The following CIT variants were observed in gnomAD, a reference collection of about 807,000 sequenced individuals.
CIT encodes citron rho-interacting serine/threonine kinase, also known as citron Rho-interacting kinase.
Under a neutral mutation model 272.7 loss-of-function variants are expected in CIT, and 79 were observed. That is an observed-to-expected ratio of 0.29 (90% confidence interval 0.24 to 0.35). The LOEUF (loss-of-function observed/expected upper bound fraction) is 0.35, where lower values mean the gene tolerates loss of function less well. Ranked by LOEUF, CIT falls within the 10% of genes least tolerant of loss-of-function variation. CIT has a pLI of 1.00. For synonymous variants in CIT, 948 were observed against 995.6 expected, an observed-to-expected ratio of 0.95 and a Z score of 0.90; for missense variants, 1,909 against 2,618.3, an observed-to-expected ratio of 0.73 and a Z score of 5.91.
In CIT at chr12:119,799,550, G is replaced by GA. The variant is rs909104631; in HGVS notation, c.1295+3655dup. On this transcript the variant is annotated intron_variant, in intron 10 of 47. Coordinates refer to ENST00000392521, the MANE Select transcript of CIT (RefSeq NM_001206999.2). ...TTTTCAGAACCACCCGAAAAGAAAG[G>GA]AAAAATCTCTGAATCAAAAGGAAGA... 3.4e-4 allele frequency among the ~76,000 whole-genome samples: 52 copies of GA among 152,122 alleles called. 1 individual carries two copies. The highest frequency in any genetic ancestry group is 3.0e-3 in the Admixed American group (46 of 15,282).
rs1411407183 is a variant in CIT at position 119,714,311 on chromosome 12, G to A, written c.4192C>T (p.Arg1398Cys). ...CGGTGAGGAATATTGTGGTGCATGC[G>A]TTCCTTAAGACGCCGACTAAATTCT... Reference protein sequence around the residue: ...PEEFSRRLKERMHHNIPHRFN... With the variant: ...PEEFSRRLKECMHHNIPHRFN... The change falls in exon 33 of 48, where the codon CGC (arginine) becomes TGC (cysteine). Residue 1398 changes from arginine to cysteine, a missense_variant. This residue lies in a region of CIT where 780 missense variants were observed against 1,067.2 expected (regional missense o/e 0.73). Transcript: ENST00000392521. The A allele has an allele frequency of 7.4e-6, 12 of 1,614,006 alleles. No homozygotes were observed. Among genetic ancestry groups the A allele is most frequent in the South Asian group, 1.1e-5 (1 of 91,046 alleles).
In CIT at chr12:119,694,020, C is replaced by A. The variant is rs973942988; in HGVS notation, c.5883-3566G>T. On this transcript the variant is annotated intron_variant, in intron 46 of 47. Transcript: ENST00000392521. The surrounding 1 kb of genome is among the most constrained non-coding windows in gnomAD (Gnocchi z 4.5). ...AGAAGATTATCTTAGGTCATTTATT[C>A]CCGGGGTTAAATAATCTCAGACCTT... Among the ~76,000 whole-genome samples, 1 of 152,126 alleles carries A rather than the reference C, an allele frequency of 6.6e-6. No homozygotes were observed. Among genetic ancestry groups the A allele is most frequent in the African/African-American group, 2.4e-5 (1 of 41,418 alleles).
rs1481603513 is a variant in CIT at position 119,784,511 on chromosome 12, C to G, written c.1401+449G>C. 8.4e-7 allele frequency: 1 copy of G among 1,184,656 alleles called. No homozygotes were observed. The highest frequency in any genetic ancestry group is 1.1e-6 in the Non-Finnish European group (1 of 944,004). The allele number at this position is 1,184,656 out of a possible 1,614,324, so 73.4% of individuals were successfully genotyped here. On this transcript the variant is annotated intron_variant, in intron 11 of 47. Transcript: ENST00000392521. This position sits in a 1 kb window ranked among gnomAD's most constrained non-coding sequence, Gnocchi z 4.7. Reference sequence around the variant, plus strand: ...CAGGCAAGCAGTGACTTATTAGTTTCCAGAGCGTTGCCTCTGGGCAGGAAC... The same window carrying G: ...CAGGCAAGCAGTGACTTATTAGTTTGCAGAGCGTTGCCTCTGGGCAGGAAC...
chr12:119,842,482 G>A lies in CIT; in HGVS notation c.516+7692C>T, dbSNP rs981072220. Among the ~76,000 whole-genome samples, 3 of 151,392 alleles carry A rather than the reference G, an allele frequency of 2.0e-5. No homozygotes were observed. In the South Asian group the frequency reaches 6.3e-4, roughly 32 times the overall value. The stretch of plus-strand genomic sequence containing the variant: ...ATCAGCTCCTTCATGGAAGGACACT[G>A]ATGAAGGCATCTGTTATGCAGAATT... On this transcript the variant is annotated intron_variant, in intron 5 of 47. Coordinates refer to ENST00000392521, the MANE Select transcript of CIT (RefSeq NM_001206999.2).
chr12:119,850,334 C>CT, intron 4 of CIT, 59 bp from the exon 5 acceptor site: 8 of 1,005,790 alleles, frequency 8.0e-6, no homozygotes, highest in Non-Finnish European at 1.0e-5. Context: ...AAAAAGAAGC[C>CT]TTTTCCTCTG....
chr12:119,783,322 A>AATT (rs1566037494), intron 12 of CIT: 1 of 152,300 alleles, frequency 6.6e-6, no homozygotes, highest in Non-Finnish European at 1.5e-5. Context: ...CAACTTCTTG[A>AATT]GACTGTTTAA....
In CIT at chr12:119,869,181, A is replaced by C. The variant is rs1177401302; in HGVS notation, c.117T>G (p.Thr39=). Residue 39 remains threonine (T), a synonymous_variant, in exon 3 of 48, where the codon ACT becomes ACG. Transcript: ENST00000392521. ...LFFQGKPPFM[T]QQQMSPLSRE... ...GGGAAAGAGGAGACATCTGCTGTTG[A>C]GTCATAAAGGGTGGTTTCCCCTAAA... The C allele has an allele frequency of 6.2e-7, 1 of 1,605,398 alleles. No individual in the cohort carries two copies. Among genetic ancestry groups the C allele is most frequent in the African/African-American group, 1.3e-5 (1 of 74,240 alleles).
chr12:119,720,003 C>A (rs1447659463), intron 30 of CIT, among the ~76,000 whole-genome samples: 1 of 152,168 alleles, frequency 6.6e-6, no homozygotes, highest in East Asian at 1.9e-4. Flanking sequence ...CACCCCAGCT[C>A]CCTGAGTTCT....
At chr12:119,835,525 T>C (rs1315766173) in intron 5 of CIT, among the ~76,000 whole-genome samples, 2 of 152,330 alleles carry the variant, frequency 1.3e-5, no homozygotes, top group African/African-American at 2.4e-5. Context: ...TGATTTCCCA[T>C]TTTATTAGCC....
chr12:119,693,577 A>G (rs565182408), intron 46 of CIT, among the ~76,000 whole-genome samples: 10 of 152,176 alleles, frequency 6.6e-5, no homozygotes, highest in Non-Finnish European at 1.5e-4. Flanking sequence ...CAATATTTCA[A>G]TGTGTTTCTG....
intron 23 of CIT, among the ~76,000 whole-genome samples, chr12:119,747,232 C>T (rs1315191114): frequency 6.6e-6 from 1 of 151,660 alleles, no homozygotes; most frequent in Non-Finnish European, 1.5e-5. Flanking sequence ...ACCAGCCTGA[C>T]CAACACGGTG....
intron 5 of CIT, among the ~76,000 whole-genome samples, chr12:119,838,388 TAATAAG>T (rs1969169179): frequency 6.6e-6 from 1 of 152,078 alleles, no homozygotes. Flanking sequence ...TTTAAAATAA[TAATAAG>T]AAGAAGTATA....
At chr12:119,756,733 T>C (rs1961036023) in intron 22 of CIT, among the ~76,000 whole-genome samples, 1 of 152,054 alleles carries the variant, frequency 6.6e-6, no homozygotes, top group Admixed American at 6.5e-5. Context: ...GTTCCCTGCC[T>C]CCAGCCCCAC....
chr12:119,874,082 T>C (rs1950766195), intron 2 of CIT, among the ~76,000 whole-genome samples: 1 of 152,124 alleles, frequency 6.6e-6, no homozygotes, highest in South Asian at 2.1e-4. Flanking sequence ...TGTTTTGTTT[T>C]GAGATGGAGT....
At position 119,712,929 on chromosome 12, in the gene CIT, T is replaced by C. The variant is rs80211405; in HGVS notation, c.4580-234A>G. The C allele has an allele frequency of 0.014, 8,128 of 577,870 alleles. 101 individuals carry two copies. The highest frequency in any genetic ancestry group is 0.017 in the Non-Finnish European group (5,424 of 325,678). The allele number at this position is 577,870 out of a possible 1,614,324, so 35.8% of individuals were successfully genotyped here. On this transcript the variant is annotated intron_variant, in intron 35 of 47. Coordinates refer to ENST00000392521, the MANE Select transcript of CIT (RefSeq NM_001206999.2). This position sits in a 1 kb window ranked among gnomAD's most constrained non-coding sequence, Gnocchi z 5.2. ...GTCAAATTTCTGATGACGATGCGGA[T>C]TTATGGGTTAGTTGACTGAGGCAGA...
intron 5 of CIT, among the ~76,000 whole-genome samples, chr12:119,838,339 C>T (rs142124240): frequency 1.3e-5 from 2 of 152,252 alleles, no homozygotes; most frequent in African/African-American, 4.8e-5. Flanking sequence ...TCCCAATGTG[C>T]TGGGATTACA....
chr12:119,816,309 A>T (rs1967181080), intron 9 of CIT, among the ~76,000 whole-genome samples: 1 of 152,184 alleles, frequency 6.6e-6, no homozygotes, highest in African/African-American at 2.4e-5. Flanking sequence ...TTTGAAGTAT[A>T]TGAACGATGT....
Position 119,717,834 on chromosome 12 carries a change from C to CTTTTTTTTTTTTTTTTTT in CIT, c.4168+410_4168+411insAAAAAAAAAAAAAAAAAA, listed in dbSNP as rs546520444. ...GGATGGGGAGCCAGGAGACTGACTT[C>CTTTTTTTTTTTTTTTTTT]TTTCTTTTTTTTTTTTTTTTTTTTG... On this transcript the variant is annotated intron_variant, in intron 32 of 47. Transcript: ENST00000392521. Among the ~76,000 whole-genome samples the CTTTTTTTTTTTTTTTTTT allele has an allele frequency of 1.7e-3, 118 of 70,186 alleles. 5 individuals are homozygous for CTTTTTTTTTTTTTTTTTT. The highest frequency in any genetic ancestry group is 4.8e-3 in the African/African-American group (96 of 20,086). The allele number at this position is 70,186 out of a possible 152,430, so 46.0% of individuals were successfully genotyped here. A position where few individuals can be genotyped will look rare whatever the true frequency, so the allele number is the denominator to read the frequency against.
At chr12:119,807,888 A>AC (rs1208946870) in intron 9 of CIT, among the ~76,000 whole-genome samples, 1 of 150,856 alleles carries the variant, frequency 6.6e-6, no homozygotes, top group African/African-American at 2.5e-5. Context: ...GGGAAAAGCC[A>AC]CTAAAAAAAA....
Sources: gnomAD v4.1 joint callset for allele counts (sites outside exome capture counted in the v4.1 genomes callset) on GRCh38, gnomAD v4.1.1 for gene constraint, gnomAD v4.1.1 regional missense constraint, Gnocchi (gnomAD v3.1) non-coding constraint, MANE v1.5 for transcripts, NCBI Gene and HGNC (gene_info 2026-07-23, HGNC 2026-07-21) for gene names.